The following LPAR6 variants were observed in gnomAD, a reference collection of about 807,000 sequenced individuals.
LPAR6 encodes the protein lysophosphatidic acid receptor 6, also known as G-protein coupled purinergic receptor P2Y5.
A neutral mutation model predicts 22.0 loss-of-function variants in LPAR6; 17 were observed. That is an observed-to-expected ratio of 0.77 (90% CI 0.53 to 1.16). LPAR6 has a LOEUF of 1.16. Among genes scored for constraint, LPAR6 ranks in the 50% most tolerant of loss-of-function variants. The pLI, the probability that LPAR6 is intolerant of heterozygous loss-of-function variation, is 0.00. For synonymous variants in LPAR6, 136 were observed against 139.8 expected, an observed-to-expected ratio of 0.97 and a Z score of 0.19; for missense variants, 384 against 406.9, an observed-to-expected ratio of 0.94 and a Z score of 0.48.
Position 48,413,064 on chromosome 13 carries a change from A to T in LPAR6, c.-641T>A, listed in dbSNP as rs1169919925. ...TCCCAAGCTTGTTAGCTCTTGTTGA[A>T]TTGAGGCCTTTTCCTCAGTTGCCAG... On this transcript the variant is annotated 5_prime_UTR_variant, in exon 1 of 1. Transcript: ENST00000620633. 1.2e-5 allele frequency: 2 copies of T among 167,144 alleles called. No individual in the cohort carries two copies. Among genetic ancestry groups the T allele is most frequent in the African/African-American group, 4.8e-5 (2 of 41,434 alleles). The allele number at this position is 167,144 out of a possible 1,614,324, so 10.4% of individuals were successfully genotyped here.
Position 48,412,315 on chromosome 13 carries a change from C to T in LPAR6, c.109G>A (p.Val37Ile), listed in dbSNP as rs1312595878. 1 of 1,613,040 alleles carries T rather than the reference C, an allele frequency of 6.2e-7. No individual in the cohort carries two copies. Among genetic ancestry groups the T allele is most frequent in the East Asian group, 2.2e-5 (1 of 44,856 alleles). ...VFVLGLISNCVAIYIFICVLK... is the reference protein window; with the variant it reads ...VFVLGLISNCIAIYIFICVLK... ...ACGCAGATGAAAATGTATATGGCAACACAATTGGATATTAACCCAAGCACA... is the reference window on the plus strand; with the variant it reads ...ACGCAGATGAAAATGTATATGGCAATACAATTGGATATTAACCCAAGCACA... Residue 37 changes from valine to isoleucine, a missense_variant, in exon 1 of 1, where the codon GTT becomes ATT. By Grantham distance (29) the Val-to-Ile change is conservative (BLOSUM62 3). Coordinates refer to ENST00000620633, the MANE Select transcript of LPAR6 (RefSeq NM_001162498.3).
At chr13:48,422,678 CCAG>C in exon 2 of LPAR6, 1 of 151,768 alleles carries the variant, frequency 6.6e-6, no homozygotes, top group East Asian at 1.9e-4. Flanking sequence ...ACCTGTGGTC[CCAG>C]CTGGTTGGGA....
intron 1 of LPAR6, among the ~76,000 whole-genome samples, chr13:48,437,455 C>A (rs1040877477): frequency 6.6e-6 from 1 of 152,262 alleles, no homozygotes; most frequent in South Asian, 2.1e-4. Flanking sequence ...TTCTGAAAGT[C>A]GGGAAACTGG....
At chr13:48,437,830 G>A (rs1949199668) in intron 1 of LPAR6, among the ~76,000 whole-genome samples, 1 of 152,178 alleles carries the variant, frequency 6.6e-6, no homozygotes, top group Non-Finnish European at 1.5e-5. Context: ...CCCTGGTACA[G>A]TTTAGGAACT....
chr13:48,435,911 T>C (rs1355058497), intron 1 of LPAR6, among the ~76,000 whole-genome samples: 1 of 152,204 alleles, frequency 6.6e-6, no homozygotes, highest in East Asian at 1.9e-4. Flanking sequence ...ATTATATTAA[T>C]AATTGCATTA....
chr13:48,396,402 T>A (rs1290482257), intron 1 of LPAR6, among the ~76,000 whole-genome samples: 1 of 152,204 alleles, frequency 6.6e-6, no homozygotes, highest in East Asian at 1.9e-4. Flanking sequence ...GGGGAAAGGA[T>A]TCCCTATTTA....
chr13:48,441,482 A>T (rs1949236388), intron 1 of LPAR6, among the ~76,000 whole-genome samples: 1 of 152,214 alleles, frequency 6.6e-6, no homozygotes, highest in Non-Finnish European at 1.5e-5. Context: ...ACTAGCTAAT[A>T]AGCCTACTCC....
intron 1 of LPAR6, among the ~76,000 whole-genome samples, chr13:48,390,373 T>G (rs991026614): frequency 6.6e-6 from 1 of 152,216 alleles, no homozygotes; most frequent in Non-Finnish European, 1.5e-5. Context: ...GGTAGTTTAC[T>G]GTATTTTAAG....
upstream of LPAR6, among the ~76,000 whole-genome samples, chr13:48,431,836 A>G (rs1047901257): frequency 6.6e-6 from 1 of 152,208 alleles, no homozygotes; most frequent in African/African-American, 2.4e-5. Flanking sequence ...TAAGACAGGC[A>G]TATTAAAATT....
At chr13:48,393,764 A>AT (rs980766354) in intron 1 of LPAR6, among the ~76,000 whole-genome samples, 4 of 151,950 alleles carry the variant, frequency 2.6e-5, no homozygotes, top group African/African-American at 4.8e-5. Flanking sequence ...GTTATTAACT[A>AT]TTTTTTTGTA....
intron 1 of LPAR6, among the ~76,000 whole-genome samples, chr13:48,398,936 G>T (rs1948668698): frequency 6.6e-6 from 1 of 152,074 alleles, no homozygotes; most frequent in African/African-American, 2.4e-5. Flanking sequence ...GCTCCTTTGT[G>T]CAGTGCACTG....
rs760327640 is a variant in LPAR6, at chr13:48,411,635, GCA to G, written c.787_788del (p.Cys263LeufsTer24). On this transcript the variant is annotated frameshift_variant, in exon 1 of 1. Transcript: ENST00000620633. LOFTEE classifies it high-confidence loss of function. ...SLVRTQTFVN[C>X]SVVAAVRTMY... ...TTGTCCTTACTGCTGCCACTACTGA[GCA>G]ATTAACAAATGTTTGTGTTCTCACA... 3.1e-6 allele frequency: 5 copies of G among 1,611,672 alleles called. No individual in the cohort carries two copies. Among genetic ancestry groups the G allele is most frequent in the Non-Finnish European group, 4.2e-6 (5 of 1,178,008 alleles).
At chr13:48,400,900 T>C (rs149935952) in intron 1 of LPAR6, among the ~76,000 whole-genome samples, 1 of 152,290 alleles carries the variant, frequency 6.6e-6, no homozygotes, top group East Asian at 1.9e-4. Flanking sequence ...CTGTTTATCT[T>C]GGCTTACTAT....
chr13:48,413,690 T>C (rs996998419), upstream of LPAR6, among the ~76,000 whole-genome samples: 1 of 152,214 alleles, frequency 6.6e-6, no homozygotes, highest in African/African-American at 2.4e-5. Flanking sequence ...TTCTTTCCTC[T>C]TTCCTATGCA....
At chr13:48,392,697 G>T (rs1593463647) in intron 1 of LPAR6, among the ~76,000 whole-genome samples, 1 of 151,976 alleles carries the variant, frequency 6.6e-6, no homozygotes, top group South Asian at 2.1e-4. Context: ...AAATGTCCCT[G>T]TTACTAAGTC....
downstream of LPAR6, among the ~76,000 whole-genome samples, chr13:48,409,213 A>G (rs1196937681): frequency 1.4e-5 from 2 of 140,558 alleles, no homozygotes; most frequent in African/African-American, 5.4e-5. Flanking sequence ...CAGTGGTGTG[A>G]TCATATCTCA....
chr13:48,396,930 C>A (rs1488345766), intron 1 of LPAR6, among the ~76,000 whole-genome samples: 2 of 152,160 alleles, frequency 1.3e-5, no homozygotes, highest in African/African-American at 4.8e-5. Context: ...AAATGCAAAT[C>A]AAAACCACAG....
At chr13:48,394,873 C>T (rs1408620297) in intron 1 of LPAR6, among the ~76,000 whole-genome samples, 3 of 152,236 alleles carry the variant, frequency 2.0e-5, no homozygotes, top group Non-Finnish European at 4.4e-5. Context: ...CAGCAGATCT[C>T]CCAGCACAGT....
Position 48,395,686 on chromosome 13 carries a change from A to G in LPAR6, n.115-5874T>C, listed in dbSNP as rs151112025. Reference sequence around the variant, plus strand: ...GCGTGATGACAAGATTAGAGAAAAAAGAATGAAAAGGAATGAACAAAGCCT... The same window carrying G: ...GCGTGATGACAAGATTAGAGAAAAAGGAATGAAAAGGAATGAACAAAGCCT... On this transcript the variant is annotated intron_variant and non_coding_transcript_variant, in intron 1 of 1. Coordinates refer to the LPAR6 transcript ENST00000462781. 5.6e-3 allele frequency among the ~76,000 whole-genome samples: 846 copies of G among 152,320 alleles called. 5 individuals are homozygous for G. The highest frequency in any genetic ancestry group is 0.01 in the Middle Eastern group (3 of 294).
Sources: allele counts gnomAD v4.1 joint callset (sites outside exome capture counted in the v4.1 genomes callset), GRCh38; gene constraint gnomAD v4.1.1; transcripts MANE v1.5; gene names NCBI Gene and HGNC (gene_info 2026-07-23, HGNC 2026-07-21).